Variants in ZBTB7C observed in about 807,000 individuals in gnomAD.
The protein encoded by ZBTB7C is zinc finger and BTB domain-containing protein 7C.
ZBTB7C carries 8 observed loss-of-function variants against 25.7 expected under a neutral mutation model. The observed-to-expected ratio is 0.31, with a 90% CI of 0.18 to 0.56. ZBTB7C has a LOEUF of 0.56. ZBTB7C is among the 20% of genes least tolerant of loss of function. The pLI is 0.91. For synonymous variants in ZBTB7C, 394 were observed against 369.0 expected, an observed-to-expected ratio of 1.07 and a Z score of -0.78; for missense variants, 824 against 855.2, an observed-to-expected ratio of 0.96 and a Z score of 0.46.
chr18:48,165,068 T>C, intron 3 of ZBTB7C: 2 of 1,274,320 alleles, frequency 1.6e-6, no homozygotes. Flanking sequence ...GATCACCTTG[T>C]GCTTGAACAC....
chr18:48,105,783 C>T (rs1335999028), intron 3 of ZBTB7C, among the ~76,000 whole-genome samples: 2 of 152,170 alleles, frequency 1.3e-5, no homozygotes, highest in Non-Finnish European at 2.9e-5. Context: ...GGTGTAAATA[C>T]TCCCGGTTCA....
At chr18:48,177,796 C>T (rs370444343) in intron 3 of ZBTB7C, among the ~76,000 whole-genome samples, 8 of 152,156 alleles carry the variant, frequency 5.3e-5, no homozygotes, top group African/African-American at 1.7e-4. Flanking sequence ...GACACAGCAA[C>T]GGGCTCCCTT....
chr18:48,221,976 T>C (rs1383153017), intron 2 of ZBTB7C, among the ~76,000 whole-genome samples: 2 of 149,860 alleles, frequency 1.3e-5, no homozygotes, highest in African/African-American at 4.9e-5. Flanking sequence ...CTTTATACTA[T>C]CCCAGTCTCC....
chr18:48,269,811 C>T (rs893810517), intron 2 of ZBTB7C, among the ~76,000 whole-genome samples: 2 of 152,140 alleles, frequency 1.3e-5, no homozygotes, highest in African/African-American at 4.8e-5. Context: ...ATGTTTTATT[C>T]CTTGGTGATT....
intron 2 of ZBTB7C, among the ~76,000 whole-genome samples, chr18:48,209,058 A>G (rs1599106602): frequency 6.6e-6 from 1 of 152,258 alleles, no homozygotes; most frequent in South Asian, 2.1e-4. Context: ...CAAAATAGAG[A>G]ATATTCCCCT....
At chr18:48,217,675 G>A (rs55795746) in intron 2 of ZBTB7C, among the ~76,000 whole-genome samples, 18,376 of 151,630 alleles carry the variant, frequency 0.12, 1,483 homozygotes, top group Non-Finnish European at 0.18. Context: ...CACACTCCCC[G>A]TGTAATCCCA....
At chr18:48,228,363 G>A (rs1009027011) in intron 2 of ZBTB7C, among the ~76,000 whole-genome samples, 2 of 152,160 alleles carry the variant, frequency 1.3e-5, no homozygotes, top group East Asian at 3.9e-4. Flanking sequence ...CCCTTCCCAA[G>A]CCTGCCTCTG....
intron 2 of ZBTB7C, among the ~76,000 whole-genome samples, chr18:48,315,731 T>A (rs961429953): frequency 6.6e-6 from 1 of 151,990 alleles, no homozygotes; most frequent in African/African-American, 2.4e-5. Context: ...TCCACCCCCA[T>A]CCCCACCCCA....
chr18:48,039,842 C>G, intron 4 of ZBTB7C, 58 bp downstream of exon 4: 1 of 1,573,166 alleles, frequency 6.4e-7, no homozygotes, highest in Non-Finnish European at 8.6e-7. Context: ...CTGCCCAACT[C>G]TGCTGTCCCC....
At chr18:48,082,445 C>T (rs1202535667) in intron 3 of ZBTB7C, among the ~76,000 whole-genome samples, 1 of 152,168 alleles carries the variant, frequency 6.6e-6, no homozygotes, top group East Asian at 1.9e-4. Flanking sequence ...GAGCTGTCAC[C>T]CAGGCCCTCA....
intron 2 of ZBTB7C, among the ~76,000 whole-genome samples, chr18:48,227,148 C>T (rs1368216523): frequency 6.6e-6 from 1 of 152,204 alleles, no homozygotes; most frequent in Non-Finnish European, 1.5e-5. Flanking sequence ...GGAGAGCCAG[C>T]CATGCCTGAA....
At chr18:48,143,305 C>T (rs761605037) in intron 3 of ZBTB7C, among the ~76,000 whole-genome samples, 20 of 152,042 alleles carry the variant, frequency 1.3e-4, no homozygotes, top group African/African-American at 4.3e-4. Flanking sequence ...CTTCCTCCAG[C>T]AGGGTCACCG....
chr18:48,368,268 A>C (rs2047299335), intron 1 of ZBTB7C, among the ~76,000 whole-genome samples: 1 of 152,012 alleles, frequency 6.6e-6, no homozygotes, highest in African/African-American at 2.4e-5. Flanking sequence ...ATCAAATATA[A>C]AGAACCAAAT....
intron 1 of ZBTB7C, among the ~76,000 whole-genome samples, chr18:48,398,942 A>C (rs1334581798): frequency 1.3e-5 from 2 of 152,226 alleles, no homozygotes; most frequent in Non-Finnish European, 2.9e-5. Flanking sequence ...GATTGCTATA[A>C]ATCTTCCTGT....
intron 3 of ZBTB7C, among the ~76,000 whole-genome samples, chr18:48,115,749 T>C (rs2039416109): frequency 6.6e-6 from 1 of 152,038 alleles, no homozygotes; most frequent in Admixed American, 6.6e-5. Context: ...TACATAGGGG[T>C]GGAATTGCTG....
intron 1 of ZBTB7C, among the ~76,000 whole-genome samples, chr18:48,367,973 A>AG (rs1357336754): frequency 6.6e-6 from 1 of 151,752 alleles, no homozygotes; most frequent in Non-Finnish European, 1.5e-5. Context: ...GGAGGAGAAA[A>AG]AAAAAAAAAG....
chr18:48,330,334 A>C (rs557770311), intron 2 of ZBTB7C, among the ~76,000 whole-genome samples: 9 of 152,214 alleles, frequency 5.9e-5, no homozygotes, highest in African/African-American at 2.2e-4. Context: ...TTAAAGGATG[A>C]TGTGGACTTT....
chr18:48,088,958 C>T (rs114214521), intron 3 of ZBTB7C, among the ~76,000 whole-genome samples: 1,638 of 152,264 alleles, frequency 0.011, 27 homozygotes, highest in African/African-American at 0.037. Flanking sequence ...AGGCAATGGG[C>T]AGCCACTAAA....
intron 4 of ZBTB7C, among the ~76,000 whole-genome samples, chr18:48,032,231 A>C (rs1197104819): frequency 6.6e-6 from 1 of 151,844 alleles, no homozygotes; most frequent in Non-Finnish European, 1.5e-5. Flanking sequence ...CTCCTGCCTC[A>C]GCCTCTCGAG....
Sources: allele counts gnomAD v4.1 joint callset (sites outside exome capture counted in the v4.1 genomes callset), GRCh38; gene constraint gnomAD v4.1.1; transcripts MANE v1.5; gene names NCBI Gene and HGNC (gene_info 2026-07-23, HGNC 2026-07-21).